GRM8: variants seen among roughly 807,000 people sequenced by gnomAD.
GRM8 encodes metabotropic glutamate receptor 8.
A neutral mutation model predicts 87.2 loss-of-function variants in GRM8; 47 were observed. The ratio of observed to expected loss-of-function variants is 0.54; its 90% CI spans 0.43 to 0.69. The LOEUF is 0.69. Among genes scored for constraint, GRM8 ranks in the 30% least tolerant of loss-of-function variants. The pLI is 0.00. For missense variants in GRM8, 1,019 were observed against 1,139.2 expected, an observed-to-expected ratio of 0.89 and a Z score of 1.52; for synonymous variants, 396 against 404.5, an observed-to-expected ratio of 0.98 and a Z score of 0.25.
chr7:126,769,760 T>A, intron 7 of GRM8, 105 bp downstream of exon 7: 1 of 705,272 alleles, frequency 1.4e-6, no homozygotes, highest in Admixed American at 2.2e-5. Context: ...GAGAACTGCT[T>A]CTAATCCTGT....
chr7:126,747,968 T>C (rs1388432657), intron 7 of GRM8, among the ~76,000 whole-genome samples: 1 of 151,990 alleles, frequency 6.6e-6, no homozygotes, highest in Non-Finnish European at 1.5e-5. Flanking sequence ...TTATATTATT[T>C]TATTGTGTCA....
At chr7:127,134,279 A>G (rs1827841498) in intron 2 of GRM8, among the ~76,000 whole-genome samples, 1 of 152,216 alleles carries the variant, frequency 6.6e-6, no homozygotes, top group African/African-American at 2.4e-5. Flanking sequence ...TTCCTTCGTT[A>G]AGAAAAAATG....
chr7:127,001,084 CA>C (rs1191588955), intron 3 of GRM8, among the ~76,000 whole-genome samples: 13 of 151,584 alleles, frequency 8.6e-5, no homozygotes, highest in Non-Finnish European at 1.5e-4. Flanking sequence ...ATGTATTGAT[CA>C]ATAGATGACA....
intron 3 of GRM8, among the ~76,000 whole-genome samples, chr7:127,012,185 T>A (rs1814960519): frequency 6.6e-6 from 1 of 152,132 alleles, no homozygotes; most frequent in Non-Finnish European, 1.5e-5. Flanking sequence ...CACCTGCAAC[T>A]CCTCAAATCC....
In GRM8 at chr7:126,522,400, T is replaced by C. The variant is rs539645889; in HGVS notation, c.2430+10552A>G. Among the ~76,000 whole-genome samples the C allele has an allele frequency of 3.3e-5, 5 of 152,314 alleles. No individual in the cohort carries two copies. The East Asian group carries it at 9.6e-4, about 29-fold the overall frequency. Reference sequence around the variant, plus strand: ...TATAATGGTACTGAGAACATATTCATGCTCAAAAAGGTTAAATATACTCGA... The same window carrying C: ...TATAATGGTACTGAGAACATATTCACGCTCAAAAAGGTTAAATATACTCGA... On this transcript the variant is annotated intron_variant, in intron 9 of 10. Coordinates refer to ENST00000339582, the MANE Select transcript of GRM8 (RefSeq NM_000845.3).
rs556010431 is a variant in GRM8 at position 126,673,108 on chromosome 7, G to A, written c.1358-63610C>T. On this transcript the variant is annotated intron_variant, in intron 7 of 10. Coordinates refer to ENST00000339582, the MANE Select transcript of GRM8 (RefSeq NM_000845.3). ...TGGCACCCTTTGCAAGCAGGGAGGA[G>A]CTGCGGTCCTCCTCTTCCTATGTGG... 1.2e-4 allele frequency among the ~76,000 whole-genome samples: 19 copies of A among 152,284 alleles called. No homozygotes were observed. The East Asian group carries it at 2.9e-3, about 23-fold the overall frequency.
At chr7:126,471,508 C>T (rs989889277) in intron 9 of GRM8, among the ~76,000 whole-genome samples, 46 of 151,918 alleles carry the variant, frequency 3.0e-4, no homozygotes, top group African/African-American at 2.7e-4. Context: ...TGTAGATATG[C>T]GGCGTTATTT....
intron 8 of GRM8, among the ~76,000 whole-genome samples, chr7:126,580,991 T>A (rs974509700): frequency 6.6e-6 from 1 of 151,894 alleles, no homozygotes; most frequent in African/African-American, 2.4e-5. Context: ...TATCCTAACA[T>A]TCCCTAAACT....
At chr7:127,156,741 G>A (rs1194050411) in intron 2 of GRM8, among the ~76,000 whole-genome samples, 1 of 152,116 alleles carries the variant, frequency 6.6e-6, no homozygotes, top group Admixed American at 6.6e-5. Flanking sequence ...TAATGAAAAC[G>A]AGAAATCGAG....
chr7:126,488,114 G>A (rs1226512365), intron 9 of GRM8, among the ~76,000 whole-genome samples: 2 of 151,658 alleles, frequency 1.3e-5, no homozygotes, highest in African/African-American at 4.8e-5. Context: ...GGTAAACTGA[G>A]ATTTAATAAA....
At chr7:126,686,574 T>C (rs1208213318) in intron 7 of GRM8, among the ~76,000 whole-genome samples, 1 of 152,128 alleles carries the variant, frequency 6.6e-6, no homozygotes, top group East Asian at 1.9e-4. Context: ...AGCTGTAGCC[T>C]CACAGAGAGC....
chr7:126,904,158 C>A, intron 4 of GRM8, 32 bp from the exon 5 acceptor site: 1 of 1,542,278 alleles, frequency 6.5e-7, no homozygotes. Context: ...ATGCATATCA[C>A]ATGTATTAAA....
At chr7:126,819,275 TACACAC>T (rs3038867) in intron 6 of GRM8, among the ~76,000 whole-genome samples, 1 of 148,230 alleles carries the variant, frequency 6.7e-6, no homozygotes, top group African/African-American at 2.5e-5. Context: ...CAGACACACA[TACACAC>T]ACACACACAC....
intron 9 of GRM8, among the ~76,000 whole-genome samples, chr7:126,458,952 A>C (rs1803571885): frequency 6.6e-6 from 1 of 151,148 alleles, no homozygotes; most frequent in African/African-American, 2.4e-5. Flanking sequence ...CCAAAATGGC[A>C]ATCTTAGGAT....
intron 8 of GRM8, among the ~76,000 whole-genome samples, chr7:126,584,162 A>G (rs1380487036): frequency 6.6e-6 from 1 of 152,188 alleles, no homozygotes; most frequent in Non-Finnish European, 1.5e-5. Flanking sequence ...CAAAATTAAG[A>G]TACGTGTTTT....
At chr7:126,463,696 T>C (rs1328096612) in intron 9 of GRM8, among the ~76,000 whole-genome samples, 1 of 151,672 alleles carries the variant, frequency 6.6e-6, no homozygotes, top group South Asian at 2.1e-4. Context: ...TATAACAGCA[T>C]TTCCAAAAGG....
intron 3 of GRM8, among the ~76,000 whole-genome samples, chr7:126,974,919 G>C (rs796971535): frequency 1.3e-4 from 16 of 119,970 alleles, no homozygotes; most frequent in African/African-American, 5.0e-4. Context: ...CTGGGTGACA[G>C]AGCGAGACTC....
At chr7:127,141,290 A>T (rs1828243427) in intron 2 of GRM8, among the ~76,000 whole-genome samples, 1 of 151,532 alleles carries the variant, frequency 6.6e-6, no homozygotes, top group South Asian at 2.1e-4. Flanking sequence ...ATCTTGGCTC[A>T]TGACATTCTA....
intron 2 of GRM8, among the ~76,000 whole-genome samples, chr7:127,180,380 C>T (rs901434703): frequency 7.2e-5 from 11 of 151,728 alleles, no homozygotes; most frequent in South Asian, 2.1e-4. Context: ...ACAAAAAGTC[C>T]GGGACCAGAC....
Sources: allele counts gnomAD v4.1 joint callset (sites outside exome capture counted in the v4.1 genomes callset), GRCh38; gene constraint gnomAD v4.1.1; transcripts MANE v1.5; gene names NCBI Gene and HGNC (gene_info 2026-07-23, HGNC 2026-07-21).